Variants in ASTN2 observed in about 807,000 individuals in gnomAD.
The protein encoded by ASTN2 is astrotactin-2.
A neutral mutation model predicts 139.8 loss-of-function variants in ASTN2; 54 were observed. That is an observed-to-expected ratio of 0.39 (90% CI 0.31 to 0.48). The LOEUF is 0.48. Ranked by LOEUF, ASTN2 falls within the 20% of genes least tolerant of loss-of-function variation. The pLI, the probability that ASTN2 is intolerant of heterozygous loss-of-function variation, is 0.95. For synonymous variants in ASTN2, 756 were observed against 719.5 expected, an observed-to-expected ratio of 1.05 and a Z score of -0.81; for missense variants, 1,565 against 1,725.1, an observed-to-expected ratio of 0.91 and a Z score of 1.64.
chr9:116,661,141 G>C lies in ASTN2; in HGVS notation c.2807-9348C>G, dbSNP rs537922463. ...TGGCCAGTGTCTTGGCCAGAATCAG[G>C]AATCAGTCGGCATTGAAGGGTAACA... On this transcript the variant is annotated intron_variant, in intron 16 of 22. Transcript: ENST00000313400. Among the ~76,000 whole-genome samples, 3 of 152,198 alleles carry C rather than the reference G, an allele frequency of 2.0e-5. No homozygotes were observed. In the South Asian group the frequency reaches 6.2e-4, roughly 32 times the overall value.
chr9:117,063,220 AT>A (rs1839343371), intron 5 of ASTN2, among the ~76,000 whole-genome samples: 1 of 152,230 alleles, frequency 6.6e-6, no homozygotes, highest in African/African-American at 2.4e-5. Flanking sequence ...TTTGTCCTTC[AT>A]AAGGTACATT....
chr9:117,061,139 TTTTATTTATTTATTTATTTATTTA>T (rs71379255), intron 5 of ASTN2, among the ~76,000 whole-genome samples: 1 of 141,928 alleles, frequency 7.0e-6, no homozygotes, highest in African/African-American at 2.6e-5. Context: ...TACACCAGTC[TTTTATTTATTTATTTATTTATTTA>T]TTTATTTATT....
At chr9:117,153,357 G>A (rs1335767580) in intron 3 of ASTN2, among the ~76,000 whole-genome samples, 1 of 152,130 alleles carries the variant, frequency 6.6e-6, no homozygotes, top group African/African-American at 2.4e-5. Context: ...ATGCCTGTGA[G>A]ATGAGAACAA....
intron 2 of ASTN2, among the ~76,000 whole-genome samples, chr9:117,253,201 G>C (rs1425403817): frequency 6.6e-6 from 1 of 152,150 alleles, no homozygotes; most frequent in Admixed American, 6.5e-5. Context: ...CCTTGATAAG[G>C]CTTTTCTTCC....
intron 16 of ASTN2, among the ~76,000 whole-genome samples, chr9:116,689,661 A>G (rs1860462920): frequency 6.6e-6 from 1 of 152,068 alleles, no homozygotes; most frequent in African/African-American, 2.4e-5. Flanking sequence ...TTCCCCTCTA[A>G]TGAAAAAGAG....
Position 116,615,253 on chromosome 9 carries a change from A to G in ASTN2, c.3355+3071T>C, listed in dbSNP as rs571106531. On this transcript the variant is annotated intron_variant, in intron 19 of 22. Coordinates refer to ENST00000313400, the MANE Select transcript of ASTN2 (RefSeq NM_001365068.1). ...GGTGCTGGAGAGGATGTGGAGAAAT[A>G]GGAAGACTTTTACACTGTTGGTGGG... Among the ~76,000 whole-genome samples the G allele has an allele frequency of 5.9e-5, 9 of 152,312 alleles. No homozygotes were observed. In the East Asian group the frequency reaches 1.5e-3, roughly 26 times the overall value.
intron 10 of ASTN2, among the ~76,000 whole-genome samples, chr9:116,908,297 C>A (rs750244163): frequency 2.6e-5 from 4 of 152,130 alleles, no homozygotes; most frequent in Non-Finnish European, 5.9e-5. Context: ...GCTCTGTAAG[C>A]CCAAATGAGT....
intron 16 of ASTN2, among the ~76,000 whole-genome samples, chr9:116,672,193 G>A (rs1016074976): frequency 2.0e-5 from 3 of 151,940 alleles, no homozygotes; most frequent in African/African-American, 4.8e-5. Context: ...GGGCAACATG[G>A]TGAAACCCCA....
At chr9:117,376,934 T>TA (rs979590362) in intron 1 of ASTN2, among the ~76,000 whole-genome samples, 11 of 150,956 alleles carry the variant, frequency 7.3e-5, no homozygotes, top group East Asian at 2.0e-4. Context: ...AACTAATCTT[T>TA]AAAAAAAAAC....
At chr9:116,562,403 T>C (rs1852960653) in intron 19 of ASTN2, 1 of 151,966 alleles carries the variant, frequency 6.6e-6, no homozygotes, top group African/African-American at 2.4e-5. Context: ...ACTTTGGAGA[T>C]CAGGTTAAGG....
Position 117,044,236 on chromosome 9 carries a change from G to C in ASTN2, c.1277-4271C>G, listed in dbSNP as rs1278885535. ...CTCAATTATTCTTATAGAAGCAGAA[G>C]ACAAAAAGAGTAAAAAGTGTAGAGA... On this transcript the variant is annotated intron_variant, in intron 5 of 22. Transcript: ENST00000313400. 3.3e-5 allele frequency among the ~76,000 whole-genome samples: 5 copies of C among 152,284 alleles called. No homozygotes were observed. In the East Asian group the frequency reaches 9.7e-4, roughly 30 times the overall value.
At chr9:117,388,735 C>T (rs1326107573) in intron 1 of ASTN2, among the ~76,000 whole-genome samples, 3 of 152,134 alleles carry the variant, frequency 2.0e-5, no homozygotes, top group Non-Finnish European at 4.4e-5. Context: ...TGACTATTTG[C>T]AACCTCATGT....
chr9:117,278,712 C>T (rs1008203227), intron 2 of ASTN2, among the ~76,000 whole-genome samples: 3 of 152,156 alleles, frequency 2.0e-5, no homozygotes, highest in South Asian at 2.1e-4. Flanking sequence ...CTATTAAAGA[C>T]GCCCTTGAGC....
At chr9:116,438,794 T>C (rs568525222) in intron 22 of ASTN2, among the ~76,000 whole-genome samples, 216 of 152,062 alleles carry the variant, frequency 1.4e-3, no homozygotes, top group African/African-American at 4.1e-3. Flanking sequence ...AAAATATTTT[T>C]TAAAAATTAG....
intron 19 of ASTN2, among the ~76,000 whole-genome samples, chr9:116,500,405 C>T (rs139233347): frequency 1.5e-4 from 23 of 152,244 alleles, no homozygotes; most frequent in African/African-American, 5.5e-4. Context: ...ATTTCTAACC[C>T]CTGATCCCGT....
In ASTN2 at chr9:116,868,294, T is replaced by C. The variant is rs555401970; in HGVS notation, c.1890-4561A>G. Among the ~76,000 whole-genome samples the C allele has an allele frequency of 3.9e-5, 6 of 152,222 alleles. No individual in the cohort carries two copies. In the East Asian group the frequency reaches 1.2e-3, roughly 29 times the overall value. On this transcript the variant is annotated intron_variant, in intron 10 of 22. Transcript: ENST00000313400. ...ATGTGCAGCTGGAGAAACAGGGGCTTAGGGAAGTTATGTCACTTGCTCCAG... is the reference window on the plus strand; with the variant it reads ...ATGTGCAGCTGGAGAAACAGGGGCTCAGGGAAGTTATGTCACTTGCTCCAG...
intron 4 of ASTN2, among the ~76,000 whole-genome samples, chr9:117,100,363 G>C (rs1280166922): frequency 6.6e-6 from 1 of 152,152 alleles, no homozygotes; most frequent in Non-Finnish European, 1.5e-5. Context: ...GAAATATAAT[G>C]CAAACCACAT....
At chr9:117,327,296 G>A (rs1303677034) in intron 1 of ASTN2, among the ~76,000 whole-genome samples, 2 of 152,136 alleles carry the variant, frequency 1.3e-5, no homozygotes, top group Non-Finnish European at 2.9e-5. Flanking sequence ...ACCGACAATT[G>A]AGACATTTGA....
intron 1 of ASTN2, among the ~76,000 whole-genome samples, chr9:117,312,573 A>G (rs544124370): frequency 1.3e-5 from 2 of 152,314 alleles, no homozygotes; most frequent in East Asian, 3.9e-4. Flanking sequence ...CTTTAGAAAA[A>G]TTAAAAATCA....
Sources: gnomAD v4.1 joint callset for allele counts (sites outside exome capture counted in the v4.1 genomes callset) on GRCh38, gnomAD v4.1.1 for gene constraint, MANE v1.5 for transcripts, NCBI Gene and HGNC (gene_info 2026-07-23, HGNC 2026-07-21) for gene names.